Variants in FARS2 observed in about 807,000 individuals in gnomAD.
FARS2 encodes the protein phenylalanine--tRNA ligase, mitochondrial.
A neutral mutation model predicts 46.4 loss-of-function variants in FARS2; 40 were observed. The ratio of observed to expected loss-of-function variants is 0.86; its 90% CI spans 0.67 to 1.12. The LOEUF (loss-of-function observed/expected upper bound fraction) is 1.12, where lower values mean the gene tolerates loss of function less well. FARS2 is among the 50% of genes most tolerant of loss of function. FARS2 has a pLI of 0.00. For synonymous variants in FARS2, 234 were observed against 214.9 expected, an observed-to-expected ratio of 1.09 and a Z score of -0.78; for missense variants, 513 against 567.9, an observed-to-expected ratio of 0.90 and a Z score of 0.98.
rs1019326134 is a variant in FARS2 at position 5,425,599 on chromosome 6, C to T, written c.773-5442C>T. On this transcript the variant is annotated intron_variant, in intron 3 of 6. Transcript: ENST00000274680. Reference sequence around the variant, plus strand: ...TCGGGAGGCTGGTACACAGAGCAGGCGAGGTACAGTGCTGCCTTCCCCATC... The same window carrying T: ...TCGGGAGGCTGGTACACAGAGCAGGTGAGGTACAGTGCTGCCTTCCCCATC... Among the ~76,000 whole-genome samples the T allele has an allele frequency of 2.6e-5, 4 of 152,122 alleles. No homozygotes were observed. The South Asian group carries it at 6.2e-4, about 24-fold the overall frequency.
At position 5,364,730 on chromosome 6, in the gene FARS2, T is replaced by C. The variant is rs187524959; in HGVS notation, c.-21-3820T>C. Among the ~76,000 whole-genome samples the C allele has an allele frequency of 1.3e-4, 20 of 152,280 alleles. 1 individual carries two copies. The highest frequency in any genetic ancestry group is 4.8e-4 in the African/African-American group (20 of 41,566). On this transcript the variant is annotated intron_variant, in intron 1 of 6. Coordinates refer to ENST00000274680, the MANE Select transcript of FARS2 (RefSeq NM_006567.5). ...GCTGTTGCTGTGTTCCAACAAACTT[T>C]ATTTGTAAAAACAGACTATGGGCAA...
At chr6:5,557,654 G>C (rs1771741500) in intron 5 of FARS2, among the ~76,000 whole-genome samples, 1 of 152,144 alleles carries the variant, frequency 6.6e-6, no homozygotes, top group Non-Finnish European at 1.5e-5. Flanking sequence ...TTTATGAACA[G>C]ATGGTCACTT....
chr6:5,420,598 GA>G (rs910098790), intron 3 of FARS2, among the ~76,000 whole-genome samples: 6 of 152,196 alleles, frequency 3.9e-5, no homozygotes, highest in African/African-American at 1.4e-4. Flanking sequence ...TAAAGCTCCA[GA>G]ATGATCTCCT....
chr6:5,507,005 C>T (rs1190991933), intron 4 of FARS2, among the ~76,000 whole-genome samples: 1 of 152,164 alleles, frequency 6.6e-6, no homozygotes, highest in African/African-American at 2.4e-5. Context: ...TCCAGTTTTG[C>T]ACATTTGAGT....
chr6:5,650,576 G>T (rs1777305717), intron 6 of FARS2, among the ~76,000 whole-genome samples: 2 of 152,084 alleles, frequency 1.3e-5, no homozygotes, highest in African/African-American at 4.8e-5. Context: ...CCCCTCCTGG[G>T]TTCACGCCAT....
At position 5,404,679 on chromosome 6, in the gene FARS2, C is replaced by A. The variant is rs951916099; in HGVS notation, c.750C>A (p.Leu250=). ...EFDLKQTLTR[L]MAHLFGDELE... is the part of the protein sequence containing the mutation. Reference sequence around the variant, plus strand: ...ATCTTAAGCAAACGCTTACCAGGCTCATGGCACATCTTTTTGGAGATGGTA... The same window carrying A: ...ATCTTAAGCAAACGCTTACCAGGCTAATGGCACATCTTTTTGGAGATGGTA... The change falls in exon 3 of 7, where the codon CTC becomes CTA. Residue 250 remains leucine (L), a synonymous_variant. Coordinates refer to ENST00000274680, the MANE Select transcript of FARS2 (RefSeq NM_006567.5). 7 of 1,598,224 alleles carry A rather than the reference C, an allele frequency of 4.4e-6. No homozygotes were observed. The East Asian group carries it at 6.7e-5, about 15-fold the overall frequency.
chr6:5,620,520 G>C (rs1775715782), intron 6 of FARS2, among the ~76,000 whole-genome samples: 1 of 152,118 alleles, frequency 6.6e-6, no homozygotes, highest in Admixed American at 6.5e-5. Context: ...AGGAACTGAG[G>C]CAGTTGAAGG....
chr6:5,753,519 C>T (rs967359182), intron 6 of FARS2, among the ~76,000 whole-genome samples: 4 of 152,016 alleles, frequency 2.6e-5, no homozygotes, highest in Non-Finnish European at 2.9e-5. Context: ...TTTAATGAAT[C>T]GCAGAAATGA....
At chr6:5,556,664 TTATTA>T (rs1427703759) in intron 5 of FARS2, among the ~76,000 whole-genome samples, 1 of 132,830 alleles carries the variant, frequency 7.5e-6, no homozygotes, top group Admixed American at 7.7e-5. Context: ...TCTTTCTTGT[TTATTA>T]AGTTACTAAG....
intron 5 of FARS2, among the ~76,000 whole-genome samples, chr6:5,598,703 G>A (rs753651681): frequency 5.9e-5 from 9 of 152,146 alleles, no homozygotes; most frequent in Non-Finnish European, 5.9e-5. Flanking sequence ...TGGAGGTCAG[G>A]AAGAAATCGA....
intron 4 of FARS2, among the ~76,000 whole-genome samples, chr6:5,436,350 T>C (rs1194927588): frequency 6.6e-6 from 1 of 150,690 alleles, no homozygotes; most frequent in Non-Finnish European, 1.5e-5. Flanking sequence ...CCTCTACACA[T>C]ACTTAACATG....
chr6:5,405,948 G>T (rs1246870085), intron 3 of FARS2, among the ~76,000 whole-genome samples: 2 of 152,134 alleles, frequency 1.3e-5, no homozygotes, highest in African/African-American at 4.8e-5. Flanking sequence ...CAATAGTGTT[G>T]CAATCTAGAC....
chr6:5,285,991 C>T (rs1283949272), intron 1 of FARS2, among the ~76,000 whole-genome samples: 1 of 152,196 alleles, frequency 6.6e-6, no homozygotes, highest in Admixed American at 6.5e-5. Flanking sequence ...TAGAACACTT[C>T]CTCTGTTTGC....
intron 3 of FARS2, among the ~76,000 whole-genome samples, chr6:5,405,581 C>T (rs1457431974): frequency 1.4e-5 from 2 of 146,968 alleles, no homozygotes; most frequent in Non-Finnish European, 3.0e-5. Flanking sequence ...CAAGCTCTGC[C>T]TCCTGGGTTC....
At chr6:5,509,407 C>T (rs1041549144) in intron 4 of FARS2, among the ~76,000 whole-genome samples, 5 of 152,202 alleles carry the variant, frequency 3.3e-5, no homozygotes, top group South Asian at 2.1e-4. Context: ...GTTTACACCA[C>T]GTAGCTGATG....
chr6:5,735,170 TTA>T (rs1760873025), intron 6 of FARS2, among the ~76,000 whole-genome samples: 1 of 152,246 alleles, frequency 6.6e-6, no homozygotes, highest in African/African-American at 2.4e-5. Flanking sequence ...GCTACATTTA[TTA>T]TACATTTATT....
chr6:5,554,089 A>G (rs1771518517), intron 5 of FARS2, among the ~76,000 whole-genome samples: 3 of 152,164 alleles, frequency 2.0e-5, no homozygotes, highest in South Asian at 4.2e-4. Context: ...TTTTTTTTCC[A>G]TGGATTTCCA....
chr6:5,696,598 T>C (rs1253350277), intron 6 of FARS2, among the ~76,000 whole-genome samples: 2 of 152,216 alleles, frequency 1.3e-5, no homozygotes, highest in African/African-American at 4.8e-5. Flanking sequence ...TAAAATATTC[T>C]ATAAATTATT....
rs1763050283 is a variant in FARS2, at chr6:5,771,540, AG to A, written c.*112del. 11 of 1,173,382 alleles carry A rather than the reference AG, an allele frequency of 9.4e-6. No individual in the cohort carries two copies. The Admixed American group carries it at 1.7e-4, about 18-fold the overall frequency. 72.7% of individuals were successfully genotyped at this position (1,173,382 alleles called of 1,614,324 possible). Reference sequence around the variant, plus strand: ...TCAATCATCTTTTGATAAATGGATCAGTTTTAGGACTTTCAGAAAATAAAAG... The same window carrying A: ...TCAATCATCTTTTGATAAATGGATCATTTTAGGACTTTCAGAAAATAAAAG... On this transcript the variant is annotated 3_prime_UTR_variant, in exon 7 of 7. Coordinates refer to ENST00000274680, the MANE Select transcript of FARS2 (RefSeq NM_006567.5).
Sources: allele counts gnomAD v4.1 joint callset (sites outside exome capture counted in the v4.1 genomes callset), GRCh38; gene constraint gnomAD v4.1.1; transcripts MANE v1.5; gene names NCBI Gene and HGNC (gene_info 2026-07-23, HGNC 2026-07-21).